The following ROCK2 variants were observed in gnomAD, a reference collection of about 807,000 sequenced individuals.
ROCK2 encodes the protein rho-associated protein kinase 2.
Under a neutral mutation model 195.1 loss-of-function variants are expected in ROCK2, and 61 were observed. The observed-to-expected ratio is 0.31, with a 90% CI of 0.25 to 0.39. The LOEUF (loss-of-function observed/expected upper bound fraction) is 0.39, where lower values mean the gene tolerates loss of function less well. Among genes scored for constraint, ROCK2 ranks in the 10% least tolerant of loss-of-function variants. ROCK2 has a pLI of 1.00. For synonymous variants in ROCK2, 504 were observed against 545.5 expected (o/e 0.92, Z 1.06); for missense variants, 1,109 against 1,637.4 (o/e 0.68, Z 5.57).
chr2:11,222,016 A>C (rs1318328677), intron 8 of ROCK2, 67 bp downstream of exon 8: 5 of 915,514 alleles, frequency 5.5e-6, no homozygotes, highest in Non-Finnish European at 8.8e-6. Flanking sequence ...TTGTTATTTC[A>C]AAAAAGGAAT....
In ROCK2 at chr2:11,282,042, A is replaced by G. The variant is rs1313016545; in HGVS notation, c.324+4497T>C. Reference sequence around the variant, plus strand: ...GTTTATATGGAGAAGCAAAAGACCCAGAATAGCCAACAAAATATTAAAGAA... The same window carrying G: ...GTTTATATGGAGAAGCAAAAGACCCGGAATAGCCAACAAAATATTAAAGAA... On this transcript the variant is annotated intron_variant, in intron 3 of 32. Transcript: ENST00000315872. Among the ~76,000 whole-genome samples, 7 of 152,318 alleles carry G rather than the reference A, an allele frequency of 4.6e-5. No individual in the cohort carries two copies. In the East Asian group the frequency reaches 1.4e-3, roughly 29 times the overall value.
At chr2:11,277,095 T>C (rs1265241521) in intron 3 of ROCK2, among the ~76,000 whole-genome samples, 2 of 152,224 alleles carry the variant, frequency 1.3e-5, no homozygotes, top group Admixed American at 1.3e-4. Context: ...ATTACAGGAA[T>C]GCATTAGTGT....
At chr2:11,214,626 C>T (rs1664361979) in intron 16 of ROCK2, among the ~76,000 whole-genome samples, 163 bp from the exon 17 acceptor site, 1 of 152,114 alleles carries the variant, frequency 6.6e-6, no homozygotes, top group Non-Finnish European at 1.5e-5. Flanking sequence ...AAATGGAATC[C>T]AATCTACTAC....
intron 4 of ROCK2, among the ~76,000 whole-genome samples, chr2:11,246,044 G>C (rs1405776383): frequency 6.6e-6 from 1 of 152,146 alleles, no homozygotes; most frequent in Non-Finnish European, 1.5e-5. Flanking sequence ...TGATTGAACT[G>C]AAGTATCATT....
rs748859409 is a variant in ROCK2, at chr2:11,227,245, T to C, written c.868+9A>G. 6.2e-7 allele frequency: 1 copy of C among 1,602,712 alleles called. No individual in the cohort carries two copies. The highest frequency in any genetic ancestry group is 2.2e-5 in the East Asian group (1 of 44,768). ...CATTTTGAAAAAAGAAGTTAAAATA[T>C]TTACTTACCCACTAGCATCTCATAA... is the stretch of plus-strand genomic sequence containing the variant. On this transcript the variant is annotated intron_variant, in intron 6 of 32. Transcript: ENST00000315872.
At chr2:11,304,148 A>G (rs1208867704) in intron 1 of ROCK2, among the ~76,000 whole-genome samples, 2 of 152,118 alleles carry the variant, frequency 1.3e-5, no homozygotes, top group Non-Finnish European at 2.9e-5. Context: ...GATGGCTCCT[A>G]AATTCATTAT....
chr2:11,233,496 T>C (rs1241739051), intron 5 of ROCK2, among the ~76,000 whole-genome samples: 3 of 152,172 alleles, frequency 2.0e-5, no homozygotes, highest in Admixed American at 2.0e-4. Context: ...CTTCTATGTT[T>C]ATATTTAGAG....
chr2:11,276,702 ACTGAT>A (rs1270743095), intron 3 of ROCK2, among the ~76,000 whole-genome samples: 1 of 152,214 alleles, frequency 6.6e-6, no homozygotes, highest in Non-Finnish European at 1.5e-5. Flanking sequence ...CATGTTCTTA[ACTGAT>A]CTAACAAATA....
chr2:11,244,026 A>G (rs1280131050), intron 4 of ROCK2, among the ~76,000 whole-genome samples: 1 of 152,212 alleles, frequency 6.6e-6, no homozygotes, highest in African/African-American at 2.4e-5. Flanking sequence ...TCACAGATGA[A>G]CATGTAAAAT....
chr2:11,306,692 A>G (rs570361533), intron 1 of ROCK2, among the ~76,000 whole-genome samples: 2 of 152,344 alleles, frequency 1.3e-5, no homozygotes, highest in South Asian at 2.1e-4. Flanking sequence ...TGTTAACTTG[A>G]TAGCTCCGGG....
intron 1 of ROCK2, among the ~76,000 whole-genome samples, chr2:11,333,431 T>C (rs548244154): frequency 6.6e-5 from 10 of 152,288 alleles, no homozygotes; most frequent in East Asian, 1.9e-4. Context: ...CTAGTAGATA[T>C]AGAAGAAAAA....
chr2:11,288,883 G>A (rs1298916935), intron 1 of ROCK2, among the ~76,000 whole-genome samples: 1 of 151,980 alleles, frequency 6.6e-6, no homozygotes, highest in East Asian at 1.9e-4. Context: ...ACCAACGTGG[G>A]CAACACAGTG....
chr2:11,321,465 C>T (rs1183517441), intron 1 of ROCK2, among the ~76,000 whole-genome samples: 2 of 151,302 alleles, frequency 1.3e-5, no homozygotes, highest in Admixed American at 6.6e-5. Context: ...GTGGCCACTG[C>T]GTCCAGCACT....
rs749728785 is a variant in ROCK2, at chr2:11,219,038, G to T, written c.1260-12C>A. 1.2e-5 allele frequency: 17 copies of T among 1,393,112 alleles called. No individual in the cohort carries two copies. Among genetic ancestry groups the T allele is most frequent in the Admixed American group, 1.1e-4 (5 of 44,174 alleles). 86.3% of individuals were successfully genotyped at this position (1,393,112 alleles called of 1,614,324 possible). Reference sequence around the variant, plus strand: ...AGTCACTTAATAATCTACATGGAAGGGGGGAGAAAATAAATTTTTTCATTT... The same window carrying T: ...AGTCACTTAATAATCTACATGGAAGTGGGGAGAAAATAAATTTTTTCATTT... On this transcript the variant is annotated splice_polypyrimidine_tract_variant and intron_variant, in intron 9 of 32. Transcript: ENST00000315872.
intron 3 of ROCK2, among the ~76,000 whole-genome samples, chr2:11,279,461 C>T (rs1666930218): frequency 6.6e-6 from 1 of 152,156 alleles, no homozygotes; most frequent in Non-Finnish European, 1.5e-5. Flanking sequence ...ATAAAAGGAT[C>T]AATTCTCCAA....
chr2:11,187,295 G>C (rs1394565060), intron 32 of ROCK2, among the ~76,000 whole-genome samples: 1 of 152,198 alleles, frequency 6.6e-6, no homozygotes, highest in Non-Finnish European at 1.5e-5. Context: ...GCCCAACGTT[G>C]TAAACAGCGT....
intron 4 of ROCK2, among the ~76,000 whole-genome samples, chr2:11,241,513 C>A (rs1665429188): frequency 6.6e-6 from 1 of 152,058 alleles, no homozygotes; most frequent in African/African-American, 2.4e-5. Flanking sequence ...CCAATAAATA[C>A]CAAGCAAGGT....
chr2:11,294,740 A>G (rs1667459933), intron 1 of ROCK2, among the ~76,000 whole-genome samples: 1 of 152,154 alleles, frequency 6.6e-6, no homozygotes. Context: ...TATTGTTTAG[A>G]AACACATGAA....
intron 1 of ROCK2, chr2:11,307,957 G>T: frequency 6.8e-7 from 1 of 1,461,170 alleles, no homozygotes; most frequent in Non-Finnish European, 9.0e-7. Flanking sequence ...CCAGGCCTGG[G>T]AAGGATGGCG....
Sources: allele counts gnomAD v4.1 joint callset (sites outside exome capture counted in the v4.1 genomes callset), GRCh38; gene constraint gnomAD v4.1.1; transcripts MANE v1.5; gene names NCBI Gene and HGNC (gene_info 2026-07-23, HGNC 2026-07-21).